PRKN: variants seen among roughly 807,000 people sequenced by gnomAD.
The protein encoded by PRKN is parkin RBR E3 ubiquitin protein ligase.
In PRKN, 56 loss-of-function variants were observed where a neutral mutation model predicts 59.5. The observed-to-expected ratio is 0.94, with a 90% CI of 0.76 to 1.18. The LOEUF (loss-of-function observed/expected upper bound fraction) is 1.18. Among genes scored for constraint, PRKN ranks in the 50% most tolerant of loss-of-function variants. PRKN has a pLI of 0.00. For synonymous variants in PRKN, 250 were observed against 222.1 expected (o/e 1.13, Z -1.12); for missense variants, 657 against 596.4 (o/e 1.10, Z -1.06).
chr6:161,899,791 T>C (rs1777813750), intron 6 of PRKN, among the ~76,000 whole-genome samples: 1 of 152,170 alleles, frequency 6.6e-6, no homozygotes, highest in African/African-American at 2.4e-5. Context: ...GTGTGTATTG[T>C]GGGATTGAGT....
At chr6:162,050,472 C>CT (rs1368347585) in intron 5 of PRKN, among the ~76,000 whole-genome samples, 10 of 32,934 alleles carry the variant, frequency 3.0e-4, no homozygotes, top group Non-Finnish European at 4.6e-4. Context: ...TTCACCCCCT[C>CT]TCTTTTTTTT....
intron 2 of PRKN, among the ~76,000 whole-genome samples, chr6:162,411,784 AG>A (rs931711902): frequency 9.2e-5 from 14 of 152,204 alleles, no homozygotes; most frequent in African/African-American, 3.1e-4. Flanking sequence ...GTACCTTTCA[AG>A]GGCCACCGTC....
chr6:162,486,995 A>C (rs1226174047), intron 1 of PRKN, among the ~76,000 whole-genome samples: 2 of 152,066 alleles, frequency 1.3e-5, no homozygotes, highest in Non-Finnish European at 2.9e-5. Flanking sequence ...ATTTGAACCT[A>C]GGAGGCAGAG....
chr6:162,469,535 C>CA (rs1791622477), intron 1 of PRKN, among the ~76,000 whole-genome samples: 1 of 150,418 alleles, frequency 6.6e-6, no homozygotes, highest in Non-Finnish European at 1.5e-5. Context: ...CACACATACA[C>CA]ATACTACTCA....
intron 2 of PRKN, among the ~76,000 whole-genome samples, chr6:162,306,541 T>A (rs962832209): frequency 3.3e-5 from 5 of 152,326 alleles, no homozygotes; most frequent in East Asian, 1.9e-4. Context: ...TTGCGAAGAT[T>A]AATCATTTAA....
intron 2 of PRKN, among the ~76,000 whole-genome samples, chr6:162,329,402 A>G (rs1326288786): frequency 2.0e-5 from 3 of 152,106 alleles, no homozygotes; most frequent in Non-Finnish European, 4.4e-5. Context: ...GGCTCCTTTT[A>G]GCACTACAGG....
intron 3 of PRKN, among the ~76,000 whole-genome samples, chr6:162,201,704 A>G (rs552085902): frequency 2.0e-5 from 3 of 152,270 alleles, no homozygotes; most frequent in South Asian, 4.1e-4. Context: ...TCGTGATATA[A>G]ATGATATGAT....
At chr6:162,460,977 A>T (rs1218165981) in intron 1 of PRKN, among the ~76,000 whole-genome samples, 1 of 152,174 alleles carries the variant, frequency 6.6e-6, no homozygotes, top group Admixed American at 6.5e-5. Context: ...TATGAATAAG[A>T]TTTAGACCTA....
intron 2 of PRKN, among the ~76,000 whole-genome samples, chr6:162,346,632 C>A (rs10945814): frequency 0.25 from 38,669 of 151,656 alleles, 5,836 homozygotes; most frequent in Non-Finnish European, 0.31. Flanking sequence ...ATACCCCCAC[C>A]CCCAAAAACA....
intron 2 of PRKN, among the ~76,000 whole-genome samples, chr6:162,402,506 C>T (rs1583509312): frequency 6.6e-6 from 1 of 151,822 alleles, no homozygotes; most frequent in African/African-American, 2.4e-5. Flanking sequence ...TTCATTGTCT[C>T]GGGGTATAAG....
intron 4 of PRKN, among the ~76,000 whole-genome samples, chr6:162,096,879 T>TTTTG (rs1779762728): frequency 1.3e-5 from 1 of 79,666 alleles, no homozygotes; most frequent in African/African-American, 4.6e-5. Context: ...TTTTTTTTTT[T>TTTTG]GAGATGGAGT....
intron 2 of PRKN, among the ~76,000 whole-genome samples, chr6:162,321,002 A>G (rs1053512405): frequency 4.6e-5 from 7 of 151,912 alleles, no homozygotes; most frequent in African/African-American, 1.7e-4. Flanking sequence ...CAAAGCAAGA[A>G]GAAAAAAGAA....
chr6:162,461,581 G>A (rs1392986070), intron 1 of PRKN, among the ~76,000 whole-genome samples: 3 of 150,796 alleles, frequency 2.0e-5, no homozygotes, highest in Admixed American at 2.0e-4. Flanking sequence ...AGCACTTTGG[G>A]AGGCCGAGGT....
intron 9 of PRKN, among the ~76,000 whole-genome samples, chr6:161,506,794 G>A (rs941848819): frequency 5.3e-5 from 8 of 152,170 alleles, no homozygotes; most frequent in Non-Finnish European, 1.0e-4. Context: ...AGTGTGATAT[G>A]GCTGTCCCAA....
Position 161,841,506 on chromosome 6 carries a change from C to T in PRKN, c.735-55598G>A, listed in dbSNP as rs531510444. Among the ~76,000 whole-genome samples the T allele has an allele frequency of 1.1e-4, 17 of 152,168 alleles. No homozygotes were observed. In the East Asian group the frequency reaches 2.7e-3, roughly 24 times the overall value. Reference sequence around the variant, plus strand: ...CTGGGATTACAGGCGTGTGCCACCACGCCCAGCTAATTTTTGTATTTTTAT... The same window carrying T: ...CTGGGATTACAGGCGTGTGCCACCATGCCCAGCTAATTTTTGTATTTTTAT... On this transcript the variant is annotated intron_variant, in intron 6 of 11. Transcript: ENST00000366898.
intron 2 of PRKN, among the ~76,000 whole-genome samples, chr6:162,345,839 G>A (rs1330238752): frequency 1.3e-5 from 2 of 150,490 alleles, no homozygotes; most frequent in Non-Finnish European, 2.9e-5. Flanking sequence ...TGTTTTGAAT[G>A]TGTCCCTCAA....
Position 161,526,901 on chromosome 6 carries a change from G to C in PRKN, c.1083+21953C>G, listed in dbSNP as rs977307301. Among the ~76,000 whole-genome samples the C allele has an allele frequency of 6.6e-6, 1 of 152,206 alleles. No individual in the cohort carries two copies. The highest frequency in any genetic ancestry group is 2.4e-5 in the African/African-American group (1 of 41,454). On this transcript the variant is annotated intron_variant, in intron 9 of 11. Coordinates refer to ENST00000366898, the MANE Select transcript of PRKN (RefSeq NM_004562.3). The surrounding 1 kb of genome is among the most constrained non-coding windows in gnomAD (Gnocchi z 4.1). ...GTTTATATAGAATCCCTGGGCTACAGAAAGGAATAGAGGTTTGGGGTCTCT... is the reference window on the plus strand; with the variant it reads ...GTTTATATAGAATCCCTGGGCTACACAAAGGAATAGAGGTTTGGGGTCTCT...
intron 3 of PRKN, among the ~76,000 whole-genome samples, chr6:162,258,857 T>C (rs1399519632): frequency 6.6e-6 from 1 of 152,188 alleles, no homozygotes; most frequent in Non-Finnish European, 1.5e-5. Flanking sequence ...ACCAACAGTG[T>C]AACTGGTTCT....
chr6:162,272,425 T>C (rs555053181), intron 2 of PRKN, among the ~76,000 whole-genome samples: 18 of 152,250 alleles, frequency 1.2e-4, no homozygotes, highest in South Asian at 2.1e-4. Flanking sequence ...AATATATATA[T>C]TTTATTTGAC....
Sources: gnomAD v4.1 joint callset for allele counts (sites outside exome capture counted in the v4.1 genomes callset) on GRCh38, gnomAD v4.1.1 for gene constraint, Gnocchi (gnomAD v3.1) non-coding constraint, MANE v1.5 for transcripts, NCBI Gene and HGNC (gene_info 2026-07-23, HGNC 2026-07-21) for gene names.